ACOXL: variants seen among roughly 807,000 people sequenced by gnomAD.
The protein encoded by ACOXL is acyl-CoA oxidase like.
A neutral mutation model predicts 71.9 loss-of-function variants in ACOXL; 70 were observed. That is an observed-to-expected ratio of 0.97 (90% CI 0.80 to 1.19). ACOXL has a LOEUF of 1.19. Ranked by LOEUF, ACOXL falls within the 50% of genes most tolerant of loss-of-function variation. The pLI, the probability that ACOXL is intolerant of heterozygous loss-of-function variation, is 0.00. For missense variants in ACOXL, 703 were observed against 736.3 expected, an observed-to-expected ratio of 0.95 and a Z score of 0.52; for synonymous variants, 253 against 281.6, an observed-to-expected ratio of 0.90 and a Z score of 1.02.
chr2:110,733,223 G>C (rs1676407196), intron 1 of ACOXL: 1 of 152,478 alleles, frequency 6.6e-6, no homozygotes, highest in Non-Finnish European at 1.5e-5. Flanking sequence ...GCCCTGTCCA[G>C]GGCGTGTCTG....
intron 1 of ACOXL, among the ~76,000 whole-genome samples, chr2:110,735,565 T>A (rs1676728128): frequency 6.6e-6 from 1 of 152,232 alleles, no homozygotes; most frequent in Non-Finnish European, 1.5e-5. Flanking sequence ...GAGGAGTTCA[T>A]TCCCAGGGTG....
intron 10 of ACOXL, among the ~76,000 whole-genome samples, chr2:110,872,924 G>A (rs964558789): frequency 1.3e-5 from 2 of 152,202 alleles, no homozygotes; most frequent in African/African-American, 4.8e-5. Context: ...GACACCTCAC[G>A]GGGCTGCGGG....
chr2:110,776,409 A>G (rs1460847421), intron 2 of ACOXL, among the ~76,000 whole-genome samples: 2 of 152,190 alleles, frequency 1.3e-5, no homozygotes, highest in Non-Finnish European at 1.5e-5. Context: ...AAAATAGTTG[A>G]AATAGTAAAT....
In ACOXL at chr2:111,031,711, C is replaced by G; in HGVS notation, c.1366C>G (p.Arg456Gly). The change falls in exon 15 of 18, where the codon CGA becomes GGA. Residue 456 changes from arginine to glycine, a missense_variant. Transcript: ENST00000439055. Reference protein sequence around the residue: ...VASLSLAHTHRVTLEQFSLAV... With the variant: ...VASLSLAHTHGVTLEQFSLAV... ...TTCTCTGTCCCTGGCACACACTCAC[C>G]GAGGTCAGTTGGCTCCTGTTGAATA... is the stretch of plus-strand genomic sequence containing the variant. 6.2e-7 allele frequency: 1 copy of G among 1,614,104 alleles called. No homozygotes were observed. Among genetic ancestry groups the G allele is most frequent in the Non-Finnish European group, 8.5e-7 (1 of 1,180,002 alleles).
chr2:110,751,784 G>C (rs1383521682), intron 1 of ACOXL, among the ~76,000 whole-genome samples: 1 of 152,140 alleles, frequency 6.6e-6, no homozygotes, highest in African/African-American at 2.4e-5. Context: ...TTTCACCCCA[G>C]TATTGGTTAG....
chr2:110,771,463 C>T (rs190086188), intron 2 of ACOXL, among the ~76,000 whole-genome samples: 11 of 152,154 alleles, frequency 7.2e-5, no homozygotes, highest in East Asian at 5.8e-4. Context: ...AGGCAGAACG[C>T]GGTGTATAAT....
intron 9 of ACOXL, among the ~76,000 whole-genome samples, chr2:110,835,533 G>A (rs1324181342): frequency 6.6e-6 from 1 of 152,172 alleles, no homozygotes; most frequent in East Asian, 1.9e-4. Context: ...ACCTCTCCCT[G>A]CTGGTCTCCC....
chr2:110,822,367 T>A (rs1214616772), intron 9 of ACOXL, among the ~76,000 whole-genome samples: 1 of 152,152 alleles, frequency 6.6e-6, no homozygotes, highest in African/African-American at 2.4e-5. Context: ...CAGTGAGAAA[T>A]ATGGTTGCCA....
intron 3 of ACOXL, among the ~76,000 whole-genome samples, chr2:110,790,411 T>C (rs1210893273): frequency 6.6e-6 from 1 of 152,064 alleles, no homozygotes; most frequent in African/African-American, 2.4e-5. Flanking sequence ...TGTCTCACAC[T>C]GTGGCCTCTG....
intron 1 of ACOXL, among the ~76,000 whole-genome samples, chr2:110,751,640 A>G (rs1362365871): frequency 6.6e-6 from 1 of 152,250 alleles, no homozygotes; most frequent in Non-Finnish European, 1.5e-5. Flanking sequence ...GGCTTTGCCA[A>G]ATATATACAC....
intron 9 of ACOXL, among the ~76,000 whole-genome samples, chr2:110,814,228 T>C (rs1687665934): frequency 6.6e-6 from 1 of 152,218 alleles, no homozygotes; most frequent in African/African-American, 2.4e-5. Flanking sequence ...CCTTCTCCAC[T>C]GTGACCTGAG....
In ACOXL at chr2:110,735,902, A is replaced by G. The variant is rs1215194523; in HGVS notation, c.-23+3128A>G. Among the ~76,000 whole-genome samples, 3 of 152,268 alleles carry G rather than the reference A, an allele frequency of 2.0e-5. No homozygotes were observed. In the East Asian group the frequency reaches 5.8e-4, roughly 29 times the overall value. Reference sequence around the variant, plus strand: ...GCTCTCTCAGGAGAGGCTGGCTGGCAGAGGTAGGTACAGCACACACCTCTC... The same window carrying G: ...GCTCTCTCAGGAGAGGCTGGCTGGCGGAGGTAGGTACAGCACACACCTCTC... On this transcript the variant is annotated intron_variant, in intron 1 of 17. Coordinates refer to ENST00000439055, the MANE Select transcript of ACOXL (RefSeq NM_001142807.4).
At chr2:110,874,698 A>G (rs1695681441) in intron 10 of ACOXL, among the ~76,000 whole-genome samples, 1 of 152,162 alleles carries the variant, frequency 6.6e-6, no homozygotes, top group African/African-American at 2.4e-5. Flanking sequence ...GCGAGGGTTT[A>G]ACAAGTTAGA....
intron 13 of ACOXL, among the ~76,000 whole-genome samples, chr2:110,995,423 C>G (rs1473659796): frequency 7.6e-6 from 1 of 130,940 alleles, no homozygotes; most frequent in African/African-American, 2.9e-5. Flanking sequence ...TCACTTGAAC[C>G]CAGGAGGTGG....
chr2:110,769,650 T>TAAAACAAAACAAAACAAAACAAAAC (rs367968739), intron 2 of ACOXL, among the ~76,000 whole-genome samples: 23 of 151,380 alleles, frequency 1.5e-4, no homozygotes, highest in African/African-American at 4.9e-4. Flanking sequence ...CTGTTTCTAC[T>TAAAACAAAACAAAACAAAACAAAAC]AAAACAAAAC....
At position 110,768,452 on chromosome 2, in the gene ACOXL, A is replaced by G. The variant is rs1369575073; in HGVS notation, c.63A>G (p.Ala21=). ...TGGACCTGCCTCTGTTAAAACGTGCAGGTCAGGATCTGGTAAGTGTCATTA... is the reference window on the plus strand; with the variant it reads ...TGGACCTGCCTCTGTTAAAACGTGCGGGTCAGGATCTGGTAAGTGTCATTA... ...FAMDLPLLKR[A]GQDLAEKTKN... The change falls in exon 2 of 18, where the codon GCA becomes GCG. Residue 21 remains alanine, a synonymous_variant. Coordinates refer to ENST00000439055, the MANE Select transcript of ACOXL (RefSeq NM_001142807.4). The G allele has an allele frequency of 1.2e-6, 2 of 1,612,418 alleles. No homozygotes were observed. Among genetic ancestry groups the G allele is most frequent in the Admixed American group, 1.7e-5 (1 of 59,888 alleles).
chr2:111,011,658 A>G (rs912966410), intron 14 of ACOXL, among the ~76,000 whole-genome samples: 1 of 152,076 alleles, frequency 6.6e-6, no homozygotes, highest in Non-Finnish European at 1.5e-5. Flanking sequence ...TAAGGTGGGC[A>G]GATCGCTTGA....
At chr2:110,782,592 G>A (rs79778563) in intron 2 of ACOXL, among the ~76,000 whole-genome samples, 5,660 of 152,300 alleles carry the variant, frequency 0.037, 134 homozygotes, top group African/African-American at 0.056. Context: ...GGGAAGGGAA[G>A]TAATTGTCAT....
chr2:110,798,575 A>C, intron 5 of ACOXL, 35 bp from the exon 6 acceptor site: 1 of 1,556,164 alleles, frequency 6.4e-7, no homozygotes, highest in Non-Finnish European at 8.9e-7. Context: ...GAGCCATGGG[A>C]AGGGAAACAC....
Sources: gnomAD v4.1 joint callset for allele counts (sites outside exome capture counted in the v4.1 genomes callset) on GRCh38, gnomAD v4.1.1 for gene constraint, MANE v1.5 for transcripts, NCBI Gene and HGNC (gene_info 2026-07-23, HGNC 2026-07-21) for gene names.